The following ATF1 variants were observed in gnomAD, a reference collection of about 807,000 sequenced individuals.
The protein encoded by ATF1 is cyclic AMP-dependent transcription factor ATF-1.
In ATF1, 16 loss-of-function variants were observed where a neutral mutation model predicts 34.7. That is an observed-to-expected ratio of 0.46 (90% CI 0.31 to 0.70). The LOEUF (loss-of-function observed/expected upper bound fraction) is 0.70, where lower values mean the gene tolerates loss of function less well. ATF1 is among the 30% of genes least tolerant of loss of function. ATF1 has a pLI of 0.05. For synonymous variants in ATF1, 105 were observed against 113.1 expected (o/e 0.93, Z 0.46); for missense variants, 255 against 321.6 (o/e 0.79, Z 1.58).
At chr12:50,815,898 G>T (rs577983054) in intron 6 of ATF1, among the ~76,000 whole-genome samples, 4 of 152,258 alleles carry the variant, frequency 2.6e-5, no homozygotes, top group African/African-American at 9.6e-5. Context: ...GGATAAGAAA[G>T]AATTAAATCA....
At chr12:50,809,851 G>A (rs1941697595) in intron 4 of ATF1, among the ~76,000 whole-genome samples, 1 of 152,128 alleles carries the variant, frequency 6.6e-6, no homozygotes, top group African/African-American at 2.4e-5. Context: ...GTTTTGTTTT[G>A]AGACAGAGTC....
chr12:50,773,742 A>C (rs1940840480), intron 1 of ATF1, among the ~76,000 whole-genome samples: 1 of 151,936 alleles, frequency 6.6e-6, no homozygotes, highest in Non-Finnish European at 1.5e-5. Flanking sequence ...GGTGCCCACC[A>C]CCACGCCTGG....
intron 2 of ATF1, among the ~76,000 whole-genome samples, chr12:50,781,522 G>A (rs1467414429): frequency 6.6e-6 from 1 of 151,856 alleles, no homozygotes; most frequent in African/African-American, 2.4e-5. Context: ...ACGATCTCGG[G>A]TCACTACAAC....
intron 1 of ATF1, among the ~76,000 whole-genome samples, chr12:50,777,539 C>T (rs115382471): frequency 2.0e-3 from 297 of 152,118 alleles, no homozygotes; most frequent in African/African-American, 6.9e-3. Flanking sequence ...TTTGGGAGGC[C>T]GAGGCAGACA....
At chr12:50,808,085 T>C (rs1941654521) in intron 3 of ATF1, among the ~76,000 whole-genome samples, 1 of 152,140 alleles carries the variant, frequency 6.6e-6, no homozygotes, top group African/African-American at 2.4e-5. Context: ...GCTGGGATTA[T>C]AGGCGTCAGC....
chr12:50,781,482 G>T (rs570365729), intron 2 of ATF1, among the ~76,000 whole-genome samples: 1 of 151,994 alleles, frequency 6.6e-6, no homozygotes, highest in East Asian at 1.9e-4. Flanking sequence ...GCAGGGTTTC[G>T]CTCTGTCGCT....
intron 2 of ATF1, among the ~76,000 whole-genome samples, chr12:50,785,280 TACATACACACACACACACACACAC>T (rs1941161024): frequency 1.2e-5 from 1 of 86,158 alleles, no homozygotes; most frequent in African/African-American, 4.5e-5. Flanking sequence ...ATTATATATA[TACATACACACACACACACACACAC>T]ACACACACAC....
At chr12:50,794,551 T>C (rs7964642) in intron 2 of ATF1, among the ~76,000 whole-genome samples, 99,423 of 150,734 alleles carry the variant, frequency 0.66, 32,949 homozygotes, top group South Asian at 0.69. Context: ...GGCGACACAG[T>C]GATACTCCAT....
chr12:50,782,630 A>G (rs1253982939), intron 2 of ATF1, among the ~76,000 whole-genome samples: 3 of 146,454 alleles, frequency 2.0e-5, no homozygotes, highest in Non-Finnish European at 4.5e-5. Flanking sequence ...CCTGGGCTCA[A>G]GTGATCCTCA....
chr12:50,795,963 T>G lies in ATF1; in HGVS notation c.148T>G (p.Ser50Ala). ...ESQDSSDSIG[S>A]SQKAHGILAR... ...CCAGGACTCATCCGACAGCATAGGC[T>G]CCTCACAGAAAGCCCACGGGATCCT... Residue 50 changes from serine (S) to alanine (A), a missense_variant, in exon 3 of 7, where the codon TCC becomes GCC. Ser to Ala is a moderately conservative substitution (Grantham distance 99, BLOSUM62 1). This residue lies in a region of ATF1 where 221 missense variants were observed against 250.7 expected (regional missense o/e 0.88). Transcript: ENST00000262053. The G allele has an allele frequency of 1.2e-6, 2 of 1,612,922 alleles. No individual in the cohort carries two copies. The highest frequency in any genetic ancestry group is 1.7e-6 in the Non-Finnish European group (2 of 1,179,724).
intron 1 of ATF1, among the ~76,000 whole-genome samples, chr12:50,774,758 T>G (rs538449943): frequency 7.3e-5 from 11 of 151,560 alleles, no homozygotes; most frequent in East Asian, 1.9e-4. Context: ...TTTTGTTTTT[T>G]TTTTTTTGAG....
chr12:50,810,219 CT>C (rs34461103), intron 4 of ATF1, among the ~76,000 whole-genome samples: 90 of 127,404 alleles, frequency 7.1e-4, no homozygotes, highest in South Asian at 1.0e-3. Context: ...ACATTCCTGG[CT>C]TTTTTTTTTT....
chr12:50,763,712 G>A (rs890699991), upstream of ATF1: 2 of 151,822 alleles, frequency 1.3e-5, no homozygotes. Context: ...CAAGAGGACA[G>A]GGCCGGCGTC....
chr12:50,796,167 G>A (rs907363566), intron 3 of ATF1, among the ~76,000 whole-genome samples, 158 bp downstream of exon 3: 3 of 152,224 alleles, frequency 2.0e-5, no homozygotes, highest in Admixed American at 6.5e-5. Flanking sequence ...GGAGGCCGAG[G>A]TAGGATTGCT....
chr12:50,798,377 C>T (rs1941450659), intron 3 of ATF1, among the ~76,000 whole-genome samples: 1 of 150,824 alleles, frequency 6.6e-6, no homozygotes, highest in Non-Finnish European at 1.5e-5. Context: ...GGAGTAATCT[C>T]GGCTCACTGC....
At position 50,791,924 on chromosome 12, in the gene ATF1, A is replaced by T. The variant is rs12313835; in HGVS notation, c.94-3985A>T. Among the ~76,000 whole-genome samples, 331 of 152,040 alleles carry T rather than the reference A, an allele frequency of 2.2e-3. 1 individual carries two copies. The highest frequency in any genetic ancestry group is 6.9e-3 in the African/African-American group (284 of 41,456). On this transcript the variant is annotated intron_variant, in intron 2 of 6. Coordinates refer to ENST00000262053, the MANE Select transcript of ATF1 (RefSeq NM_005171.5). ...TCATTTACTTGAAATATATATATAT[A>T]TTTTTTCAAGATGCTGCCCGAAGTT...
At chr12:50,817,371 G>T (rs1038778682) in intron 6 of ATF1, among the ~76,000 whole-genome samples, 2 of 152,068 alleles carry the variant, frequency 1.3e-5, no homozygotes, top group South Asian at 2.1e-4. Flanking sequence ...ATTTCAACAT[G>T]AATAAATCTT....
At chr12:50,807,975 A>G (rs34863430) in intron 3 of ATF1, among the ~76,000 whole-genome samples, 53,898 of 151,480 alleles carry the variant, frequency 0.36, 9,755 homozygotes, top group Non-Finnish European at 0.39. Context: ...ATGCCCAGCT[A>G]ATTTTTGCAT....
intron 4 of ATF1, among the ~76,000 whole-genome samples, chr12:50,810,752 T>C (rs1386268441): frequency 1.3e-5 from 2 of 152,168 alleles, no homozygotes; most frequent in Non-Finnish European, 2.9e-5. Context: ...ATATGTCCCA[T>C]CTGACCACCT....
Sources: gnomAD v4.1 joint callset for allele counts (sites outside exome capture counted in the v4.1 genomes callset) on GRCh38, gnomAD v4.1.1 for gene constraint, gnomAD v4.1.1 regional missense constraint, MANE v1.5 for transcripts, NCBI Gene and HGNC (gene_info 2026-07-23, HGNC 2026-07-21) for gene names.